Variants in SPOCK3 observed in about 807,000 individuals in gnomAD.
SPOCK3 encodes testican-3.
Under a neutral mutation model 56.6 loss-of-function variants are expected in SPOCK3, and 30 were observed. The ratio of observed to expected loss-of-function variants is 0.53; its 90% CI spans 0.40 to 0.72. The LOEUF is 0.72. Ranked by LOEUF, SPOCK3 falls within the 30% of genes least tolerant of loss-of-function variation. The pLI is 0.00. For missense variants in SPOCK3, 527 were observed against 530.0 expected (o/e 0.99, Z 0.06); for synonymous variants, 196 against 183.3 (o/e 1.07, Z -0.56).
At chr4:167,159,969 G>T (rs1226006482) in intron 2 of SPOCK3, among the ~76,000 whole-genome samples, 1 of 152,082 alleles carries the variant, frequency 6.6e-6, no homozygotes, top group African/African-American at 2.4e-5. Flanking sequence ...CATTCCCTTT[G>T]AAAACTGGCA....
At chr4:166,916,224 G>C (rs1036270663) in intron 4 of SPOCK3, among the ~76,000 whole-genome samples, 1 of 151,622 alleles carries the variant, frequency 6.6e-6, no homozygotes, top group African/African-American at 2.4e-5. Context: ...CAGATTCAAG[G>C]CCCTAAGATA....
intron 3 of SPOCK3, among the ~76,000 whole-genome samples, chr4:167,016,041 A>C (rs1245382270): frequency 1.3e-5 from 2 of 152,154 alleles, no homozygotes; most frequent in African/African-American, 4.8e-5. Flanking sequence ...ATTTATAGTC[A>C]CTTTCTTCGG....
chr4:166,777,530 G>A lies in SPOCK3; in HGVS notation c.709+14640C>T, dbSNP rs10019933. On this transcript the variant is annotated intron_variant, in intron 7 of 10. Transcript: ENST00000357545. ...GGTGGCTCAGGCCATTAATCCCAGC[G>A]CTTTGTGAGGCAAGGTGGCAGGATC... Among the ~76,000 whole-genome samples, 1,108 of 152,140 alleles carry A rather than the reference G, an allele frequency of 7.3e-3. 16 individuals are homozygous for A. Among genetic ancestry groups the A allele is most frequent in the African/African-American group, 0.025 (1,050 of 41,512 alleles).
At chr4:166,824,306 TA>T (rs1361460151) in intron 6 of SPOCK3, among the ~76,000 whole-genome samples, 1 of 152,064 alleles carries the variant, frequency 6.6e-6, no homozygotes, top group Non-Finnish European at 1.5e-5. Flanking sequence ...CACTTATAAC[TA>T]AAAAAGTAGA....
At position 166,786,685 on chromosome 4, in the gene SPOCK3, TA is replaced by T. The variant is rs112389079; in HGVS notation, c.709+5484del. Among the ~76,000 whole-genome samples the T allele has an allele frequency of 9.8e-4, 150 of 152,332 alleles. 1 individual carries two copies. Among genetic ancestry groups the T allele is most frequent in the African/African-American group, 3.4e-3 (143 of 41,578 alleles). On this transcript the variant is annotated intron_variant, in intron 7 of 10. Transcript: ENST00000357545. ...AGATGACTTATGTCAGGTTGACCTC[TA>T]AAAACTATTGTTTTGTAGTTCCAAA...
At chr4:166,747,831 T>C (rs201214035) in intron 8 of SPOCK3, among the ~76,000 whole-genome samples, 69,249 of 151,244 alleles carry the variant, frequency 0.46, 16,385 homozygotes, top group African/African-American at 0.51. Flanking sequence ...AGCATTCTTA[T>C]ACACCAATAA....
chr4:166,869,161 T>C (rs879389295), intron 6 of SPOCK3, among the ~76,000 whole-genome samples: 3 of 130,982 alleles, frequency 2.3e-5, no homozygotes, highest in Non-Finnish European at 5.4e-5. Flanking sequence ...CTCTGGTGCC[T>C]GATCTTGCAG....
At position 167,052,203 on chromosome 4, in the gene SPOCK3, T is replaced by C. The variant is rs531445741; in HGVS notation, c.235+10289A>G. On this transcript the variant is annotated intron_variant, in intron 3 of 10. Transcript: ENST00000357545. Reference sequence around the variant, plus strand: ...GTGTAAAACAAATAAAACACCATCATTGTATAAAGAAGTAAGAATTGGATA... The same window carrying C: ...GTGTAAAACAAATAAAACACCATCACTGTATAAAGAAGTAAGAATTGGATA... 9.2e-5 allele frequency among the ~76,000 whole-genome samples: 14 copies of C among 152,324 alleles called. No homozygotes were observed. In the East Asian group the frequency reaches 1.9e-3, roughly 21 times the overall value.
chr4:166,812,921 A>C (rs1022416185), intron 6 of SPOCK3, among the ~76,000 whole-genome samples: 1 of 151,908 alleles, frequency 6.6e-6, no homozygotes, highest in African/African-American at 2.4e-5. Context: ...GGTTGGTGGG[A>C]GTTTACTCTA....
intron 3 of SPOCK3, among the ~76,000 whole-genome samples, chr4:167,050,898 A>C (rs1183033960): frequency 2.6e-5 from 4 of 152,110 alleles, no homozygotes; most frequent in African/African-American, 9.7e-5. Flanking sequence ...TGAGGGGAAG[A>C]GAGAAAGGAG....
chr4:167,194,264 A>G (rs1269646322), intron 2 of SPOCK3, among the ~76,000 whole-genome samples: 1 of 147,536 alleles, frequency 6.8e-6, no homozygotes, highest in African/African-American at 2.6e-5. Flanking sequence ...TCTTTCTTAC[A>G]CTTTCTATTT....
At chr4:167,003,580 T>C (rs1282501050) in intron 3 of SPOCK3, among the ~76,000 whole-genome samples, 1 of 152,208 alleles carries the variant, frequency 6.6e-6, no homozygotes, top group Non-Finnish European at 1.5e-5. Flanking sequence ...TCTCCCTCTG[T>C]TGTGTTCTTC....
At chr4:167,041,017 C>A (rs886246227) in intron 3 of SPOCK3, among the ~76,000 whole-genome samples, 1 of 152,126 alleles carries the variant, frequency 6.6e-6, no homozygotes, top group South Asian at 2.1e-4. Context: ...TGGATAGAGC[C>A]GGGCTCACTG....
chr4:167,009,874 T>C (rs1749857333), intron 3 of SPOCK3, among the ~76,000 whole-genome samples: 1 of 151,492 alleles, frequency 6.6e-6, no homozygotes, highest in African/African-American at 2.4e-5. Flanking sequence ...AAAATAAATA[T>C]AGAAATATAA....
intron 4 of SPOCK3, among the ~76,000 whole-genome samples, chr4:166,915,274 T>TC (rs1363054479): frequency 1.3e-5 from 2 of 152,140 alleles, no homozygotes; most frequent in African/African-American, 4.8e-5. Flanking sequence ...TGTGTATACC[T>TC]CTGTAACAAA....
Position 166,989,088 on chromosome 4 carries a change from T to C in SPOCK3, c.350+11261A>G, listed in dbSNP as rs147905078. 5.6e-4 allele frequency among the ~76,000 whole-genome samples: 86 copies of C among 152,230 alleles called. 1 individual carries two copies. The East Asian group carries it at 0.016, about 28-fold the overall frequency. On this transcript the variant is annotated intron_variant, in intron 4 of 10. Transcript: ENST00000357545. Reference sequence around the variant, plus strand: ...TACGAAAATGATAAAGAATGTACTCTACCCCTACAGATGTATTAGCTGTTT... The same window carrying C: ...TACGAAAATGATAAAGAATGTACTCCACCCCTACAGATGTATTAGCTGTTT...
intron 2 of SPOCK3, among the ~76,000 whole-genome samples, chr4:167,109,065 T>TATAAAAATATATATAAA (rs1328710834): frequency 5.6e-4 from 1 of 1,798 alleles, no homozygotes; most frequent in African/African-American, 6.5e-3. Context: ...TATATAAATA[T>TATAAAAATATATATAAA]TATATATTTA....
At chr4:166,840,366 T>C (rs1289400729) in intron 6 of SPOCK3, among the ~76,000 whole-genome samples, 1 of 152,224 alleles carries the variant, frequency 6.6e-6, no homozygotes, top group East Asian at 1.9e-4. Context: ...TCGTCTACAT[T>C]ATTTTTAAAA....
At chr4:166,913,299 C>T (rs146313991) in intron 4 of SPOCK3, among the ~76,000 whole-genome samples, 11 of 152,230 alleles carry the variant, frequency 7.2e-5, no homozygotes, top group African/African-American at 2.6e-4. Flanking sequence ...CAAATAGATC[C>T]ATGCAGCTTT....
Sources: allele counts gnomAD v4.1 joint callset (sites outside exome capture counted in the v4.1 genomes callset), GRCh38; gene constraint gnomAD v4.1.1; transcripts MANE v1.5; gene names NCBI Gene and HGNC (gene_info 2026-07-23, HGNC 2026-07-21).